FTO: variants seen among roughly 807,000 people sequenced by gnomAD.
The protein encoded by FTO is alpha-ketoglutarate-dependent dioxygenase FTO.
A neutral mutation model predicts 63.9 loss-of-function variants in FTO; 47 were observed. That is an observed-to-expected ratio of 0.74 (90% CI 0.58 to 0.94). The LOEUF (loss-of-function observed/expected upper bound fraction) is 0.94, where lower values mean the gene tolerates loss of function less well. Ranked by LOEUF, FTO falls within the 40% of genes least tolerant of loss-of-function variation. The probability of loss-of-function intolerance (pLI) is 0.00; values close to 1 mark genes in which losing one functional copy is unlikely to be tolerated. For missense variants in FTO, 562 were observed against 618.1 expected (o/e 0.91, Z 0.96); for synonymous variants, 207 against 224.4 (o/e 0.92, Z 0.69).
intron 8 of FTO, among the ~76,000 whole-genome samples, chr16:54,051,948 C>G (rs1329738863): frequency 1.3e-5 from 2 of 152,168 alleles, no homozygotes; most frequent in African/African-American, 4.8e-5. Context: ...TTGATAACAT[C>G]TCTGAAGGGC....
At chr16:53,931,746 G>T (rs2081193970) in intron 7 of FTO, among the ~76,000 whole-genome samples, 1 of 152,098 alleles carries the variant, frequency 6.6e-6, no homozygotes, top group Non-Finnish European at 1.5e-5. Flanking sequence ...TTAGATTAGA[G>T]ATCACAAATT....
intron 4 of FTO, among the ~76,000 whole-genome samples, chr16:53,857,288 CATGTTTACTCA>C (rs2080030918): frequency 6.6e-6 from 1 of 151,998 alleles, no homozygotes; most frequent in South Asian, 2.1e-4. Context: ...TCTTTGTGTC[CATGTTTACTCA>C]GTGTTTAGCT....
intron 8 of FTO, among the ~76,000 whole-genome samples, chr16:54,096,614 T>C (rs1448166441): frequency 3.3e-5 from 5 of 152,256 alleles, no homozygotes; most frequent in African/African-American, 1.2e-4. Context: ...CCTGCAAAAA[T>C]AGCTTTTGAA....
intron 1 of FTO, among the ~76,000 whole-genome samples, chr16:53,803,822 C>T (rs1272437963): frequency 6.6e-6 from 1 of 152,164 alleles, no homozygotes; most frequent in Non-Finnish European, 1.5e-5. Flanking sequence ...AGTTAATTGA[C>T]ACATTTTATA....
intron 8 of FTO, among the ~76,000 whole-genome samples, chr16:54,035,372 C>G (rs1461388350): frequency 1.3e-5 from 2 of 152,220 alleles, no homozygotes; most frequent in African/African-American, 4.8e-5. Context: ...TGCGGAGTAT[C>G]TCAGCTGAAC....
intron 8 of FTO, chr16:53,992,487 T>TA (rs1451552189): frequency 1.3e-5 from 2 of 152,134 alleles, no homozygotes; most frequent in East Asian, 3.9e-4. Context: ...TTTGGCCAGA[T>TA]AGTACTTCAG....
chr16:53,763,323 A>C (rs533970598), intron 1 of FTO, among the ~76,000 whole-genome samples: 2 of 152,326 alleles, frequency 1.3e-5, no homozygotes, highest in East Asian at 3.9e-4. Context: ...ATTATTGTTG[A>C]TGATAAATAA....
intron 8 of FTO, among the ~76,000 whole-genome samples, chr16:54,004,178 G>T (rs942882418): frequency 6.6e-6 from 1 of 152,132 alleles, no homozygotes; most frequent in Admixed American, 6.6e-5. Context: ...CTTAGAAAAT[G>T]CTTGATGATT....
intron 7 of FTO, among the ~76,000 whole-genome samples, chr16:53,914,870 G>A (rs2081821305): frequency 6.6e-6 from 1 of 152,058 alleles, no homozygotes; most frequent in Admixed American, 6.6e-5. Context: ...CCTTTCCACT[G>A]AGCACAAGCG....
Position 54,112,019 on chromosome 16 carries a change from G to T in FTO, c.*104G>T. On this transcript the variant is annotated 3_prime_UTR_variant, in exon 9 of 9. Coordinates refer to ENST00000471389, the MANE Select transcript of FTO (RefSeq NM_001080432.3). ...CAGTGGAGACTTCTCTTGGCCCCTA[G>T]ATTGTAGCACCCGGGTCCCAATCCA... 1 of 1,272,356 alleles carries T rather than the reference G, an allele frequency of 7.9e-7. No homozygotes were observed. The allele number at this position is 1,272,356 out of a possible 1,614,324, so 78.8% of individuals were successfully genotyped here.
chr16:54,107,805 C>T (rs1381733034), intron 8 of FTO, among the ~76,000 whole-genome samples: 5 of 152,192 alleles, frequency 3.3e-5, no homozygotes, highest in Non-Finnish European at 7.4e-5. Context: ...CCTTGCTGGA[C>T]GGCAGCAAAA....
chr16:53,794,429 G>A (rs1455050538), intron 1 of FTO, among the ~76,000 whole-genome samples: 1 of 152,220 alleles, frequency 6.6e-6, no homozygotes, highest in Non-Finnish European at 1.5e-5. Context: ...GGATTGAAGC[G>A]ATGGTGCTGC....
intron 8 of FTO, among the ~76,000 whole-genome samples, chr16:53,978,847 A>G (rs1246602770): frequency 6.6e-6 from 1 of 152,162 alleles, no homozygotes; most frequent in African/African-American, 2.4e-5. Context: ...AAATACAAAA[A>G]TTAGCTAGGC....
chr16:54,116,740 C>G lies in FTO; in HGVS notation c.*4825C>G, dbSNP rs1050001678. The stretch of plus-strand genomic sequence containing the variant: ...TGTCAGAAGGCATTCACCTGGTTCT[C>G]TCGCTCACCTGAGACACCCGATAGA... On this transcript the variant is annotated 3_prime_UTR_variant, in exon 9 of 9. Transcript: ENST00000471389. 6.6e-6 allele frequency: 1 copy of G among 152,144 alleles called. No individual in the cohort carries two copies. The highest frequency in any genetic ancestry group is 1.5e-5 in the Non-Finnish European group (1 of 68,058). The allele number at this position is 152,144 out of a possible 1,614,324, so 9.4% of individuals were successfully genotyped here. A position where few individuals can be genotyped will look rare whatever the true frequency, so the allele number is the denominator to read the frequency against.
chr16:53,824,000 C>A (rs368808953), intron 2 of FTO, among the ~76,000 whole-genome samples: 32 of 152,334 alleles, frequency 2.1e-4, no homozygotes, highest in African/African-American at 6.5e-4. Flanking sequence ...GTCCACTTAT[C>A]TTTGTCTCTA....
At chr16:54,084,251 G>T (rs775832574) in intron 8 of FTO, among the ~76,000 whole-genome samples, 1 of 152,168 alleles carries the variant, frequency 6.6e-6, no homozygotes, top group Non-Finnish European at 1.5e-5. Context: ...ATTATGTAAA[G>T]AGAATTAAAT....
chr16:53,778,364 T>TA (rs2151649052), intron 1 of FTO, among the ~76,000 whole-genome samples: 1 of 152,304 alleles, frequency 6.6e-6, no homozygotes, highest in African/African-American at 2.4e-5. Context: ...TTGTACTCCA[T>TA]AAATATGTAT....
rs370075174 is a variant in FTO, at chr16:53,844,260, C to T, written c.857C>T (p.Ala286Val). 1.1e-4 allele frequency: 178 copies of T among 1,613,030 alleles called. 1 individual carries two copies. In the Middle Eastern group the frequency reaches 3.3e-3, roughly 30 times the overall value. ...ISWDIETPGLAIPLHQGDCYF... is the reference protein window; with the variant it reads ...ISWDIETPGLVIPLHQGDCYF... ...TGGGACATAGAGACACCTGGTTTGGCGATACCCCTTCACCAAGGAGACTGC... is the reference window on the plus strand; with the variant it reads ...TGGGACATAGAGACACCTGGTTTGGTGATACCCCTTCACCAAGGAGACTGC... Residue 286 changes from alanine (A) to valine (V), a missense_variant, in exon 4 of 9, where the codon GCG becomes GTG. Ala to Val is a moderately conservative substitution (Grantham distance 64). Transcript: ENST00000471389.
chr16:53,971,287 T>C lies in FTO; in HGVS notation c.1364+37178T>C, dbSNP rs547898540. On this transcript the variant is annotated intron_variant, in intron 8 of 8. Coordinates refer to ENST00000471389, the MANE Select transcript of FTO (RefSeq NM_001080432.3). ...TTTTTTGGATTAGATCCTTAGAATC[T>C]AAAAGGAAGATTACTAAGTCAAAAG... 1.5e-4 allele frequency among the ~76,000 whole-genome samples: 23 copies of C among 152,338 alleles called. No homozygotes were observed. In the South Asian group the frequency reaches 4.6e-3, roughly 30 times the overall value.
Sources: allele counts gnomAD v4.1 joint callset (sites outside exome capture counted in the v4.1 genomes callset), GRCh38; gene constraint gnomAD v4.1.1; transcripts MANE v1.5; gene names NCBI Gene and HGNC (gene_info 2026-07-23, HGNC 2026-07-21).